The following ATG2A variants were observed in gnomAD, a reference collection of about 807,000 sequenced individuals.
ATG2A encodes autophagy-related protein 2 homolog A.
In ATG2A, 103 loss-of-function variants were observed where a neutral mutation model predicts 214.2. That is an observed-to-expected ratio of 0.48 (90% CI 0.41 to 0.57). The LOEUF (loss-of-function observed/expected upper bound fraction) is 0.57. Among genes scored for constraint, ATG2A ranks in the 20% least tolerant of loss-of-function variants. The probability of loss-of-function intolerance (pLI) is 0.00; values close to 1 mark genes in which losing one functional copy is unlikely to be tolerated. For missense variants in ATG2A, 2,312 were observed against 2,613.2 expected, an observed-to-expected ratio of 0.88 and a Z score of 2.51; for synonymous variants, 1,160 against 1,142.1, an observed-to-expected ratio of 1.02 and a Z score of -0.32.
Position 64,895,518 on chromosome 11 carries a change from A to C in ATG2A, c.5428-76T>G. On this transcript the variant is annotated intron_variant, in intron 39 of 40. Coordinates refer to ENST00000377264, the MANE Select transcript of ATG2A (RefSeq NM_015104.3). This position sits in a 1 kb window ranked among gnomAD's most constrained non-coding sequence, Gnocchi z 5.0. ...AGCCCCAGGCCCCCAGGACAGTCTG[A>C]GACCCCACCAGCCCTCAGCCTCCCT... 1 of 1,428,134 alleles carries C rather than the reference A, an allele frequency of 7.0e-7. No homozygotes were observed. The highest frequency in any genetic ancestry group is 9.2e-7 in the Non-Finnish European group (1 of 1,083,666). 88.5% of individuals were successfully genotyped at this position (1,428,134 alleles called of 1,614,324 possible). A position where few individuals can be genotyped will look rare whatever the true frequency, so the allele number is the denominator to read the frequency against.
Position 64,896,850 on chromosome 11 carries a change from C to T in ATG2A, c.5170G>A (p.Val1724Met). The T allele has an allele frequency of 6.2e-7, 1 of 1,614,066 alleles. No individual in the cohort carries two copies. Among genetic ancestry groups the T allele is most frequent in the Non-Finnish European group, 8.5e-7 (1 of 1,179,940 alleles). Residue 1724 changes from valine (V) to methionine (M), a missense_variant, in exon 38 of 41, where the codon GTG becomes ATG. Physicochemically the swap from Val to Met is conservative, Grantham distance 21. Coordinates refer to ENST00000377264, the MANE Select transcript of ATG2A (RefSeq NM_015104.3). The part of the protein sequence containing the change: ...CRHGLLGVDK[V>M]LGYALNEWLQ... ...CACTCGTTGAGGGCATAGCCCAGCA[C>T]CTTGTCCACACCCAGGAGCCTGGCA... is the stretch of plus-strand genomic sequence containing the variant.
rs772363764 is a variant in ATG2A at position 64,895,123 on chromosome 11, C to T, written c.5667G>A (p.Val1889=). The stretch of plus-strand genomic sequence containing the variant: ...CCACAGTCGGGGGCAGCTGGCGGAT[C>T]ACGCCCCCCACGGCGCCCGTCAGCC... ...QKGLTGAVGG[V]IRQLPPTVVK... The change falls in exon 41 of 41, where the codon GTG becomes GTA. Residue 1889 remains valine (V), a synonymous_variant. Transcript: ENST00000377264. The surrounding 1 kb of genome is among the most constrained non-coding windows in gnomAD (Gnocchi z 5.0). 11 of 1,613,008 alleles carry T rather than the reference C, an allele frequency of 6.8e-6. No homozygotes were observed. The highest frequency in any genetic ancestry group is 8.5e-6 in the Non-Finnish European group (10 of 1,179,774).
At position 64,911,024 on chromosome 11, in the gene ATG2A, C is replaced by T. The variant is rs767030498; in HGVS notation, c.1466+14G>A. On this transcript the variant is annotated intron_variant, in intron 10 of 40. Coordinates refer to ENST00000377264, the MANE Select transcript of ATG2A (RefSeq NM_015104.3). The stretch of plus-strand genomic sequence containing the variant: ...CTGATGGTCTCTCCTCAGGCCCTGG[C>T]CTCGGGCTTATACCGAACATGGCTA... 6.2e-7 allele frequency: 1 copy of T among 1,613,900 alleles called. No homozygotes were observed. Among genetic ancestry groups the T allele is most frequent in the Non-Finnish European group, 8.5e-7 (1 of 1,180,034 alleles).
chr11:64,904,816 T>TTATTTTATC (rs774560438), intron 24 of ATG2A, among the ~76,000 whole-genome samples: 16,255 of 145,056 alleles, frequency 0.11, 969 homozygotes, highest in Non-Finnish European at 0.13. Flanking sequence ...TCTATATTTT[T>TTATTTTATC]TATCTATCTA....
At position 64,896,584 on chromosome 11, in the gene ATG2A, T is replaced by C. The variant is rs1370835078; in HGVS notation, c.5305A>G (p.Ile1769Val). Residue 1769 changes from isoleucine (I) to valine (V), a missense_variant, in exon 39 of 41, where the codon ATT (isoleucine) becomes GTT (valine). Coordinates refer to ENST00000377264, the MANE Select transcript of ATG2A (RefSeq NM_015104.3). Reference sequence around the variant, plus strand: ...CGGCCATCCTTCCTGTACTGCTCAATGGGCAGCCACAGCAGGTCCCGGAAC... The same window carrying C: ...CGGCCATCCTTCCTGTACTGCTCAACGGGCAGCCACAGCAGGTCCCGGAAC... Reference protein sequence around the residue: ...QGFRDLLWLPIEQYRKDGRLM... With the variant: ...QGFRDLLWLPVEQYRKDGRLM... 6.2e-7 allele frequency: 1 copy of C among 1,613,960 alleles called. No individual in the cohort carries two copies. Among genetic ancestry groups the C allele is most frequent in the Admixed American group, 1.7e-5 (1 of 60,026 alleles).
In ATG2A at chr11:64,895,208, C is replaced by A; in HGVS notation, c.5582G>T (p.Gly1861Val). 1 of 1,612,858 alleles carries A rather than the reference C, an allele frequency of 6.2e-7. No individual in the cohort carries two copies. The highest frequency in any genetic ancestry group is 8.5e-7 in the Non-Finnish European group (1 of 1,179,548). The part of the protein sequence containing the change: ...VAKAYDTVRE[G>V]ILDTAQTICD... ...GATGGTCTGAGCTGTATCCAAGATGCCCTGTGGAAGCCAGAGGTCAGGGCG... is the reference window on the plus strand; with the variant it reads ...GATGGTCTGAGCTGTATCCAAGATGACCTGTGGAAGCCAGAGGTCAGGGCG... Residue 1861 changes from glycine to valine, a missense_variant and splice_region_variant, in exon 41 of 41, where the codon GGC becomes GTC. Coordinates refer to ENST00000377264, the MANE Select transcript of ATG2A (RefSeq NM_015104.3). The surrounding 1 kb of genome is among the most constrained non-coding windows in gnomAD (Gnocchi z 5.0).
chr11:64,904,580 G>A (rs1944473068), intron 24 of ATG2A, among the ~76,000 whole-genome samples: 1 of 151,782 alleles, frequency 6.6e-6, no homozygotes, highest in African/African-American at 2.4e-5. Context: ...TTTATTTTAA[G>A]GGTAACATAA....
At position 64,902,115 on chromosome 11, in the gene ATG2A, C is replaced by A. The variant is rs763684828; in HGVS notation, c.3966G>T (p.Gly1322=). Residue 1322 remains glycine, a synonymous_variant, in exon 29 of 41, where the codon GGG becomes GGT. Transcript: ENST00000377264. ...SVYLFPGERS[G]APPPSPPVGG... ...CGACAGGTGGTGAAGGGGGTGGGGC[C>A]CCACTCCGTTCACCTGGGAATAGGT... 8.1e-6 allele frequency: 13 copies of A among 1,613,634 alleles called. No individual in the cohort carries two copies. Among genetic ancestry groups the A allele is most frequent in the Non-Finnish European group, 1.1e-5 (13 of 1,179,974 alleles).
intron 16 of ATG2A, among the ~76,000 whole-genome samples, chr11:64,908,097 T>C (rs745375260): frequency 6.6e-6 from 1 of 152,210 alleles, no homozygotes; most frequent in African/African-American, 2.4e-5. Flanking sequence ...GTTAACTTCT[T>C]TCATCCTCAC....
Position 64,913,792 on chromosome 11 carries a change from C to G in ATG2A, c.590+29G>C. ...CAGCCCCCACTCCCCATCTTCACAC[C>G]AGTCCACCCCAGATCGGCCTGCCCT... On this transcript the variant is annotated intron_variant, in intron 4 of 40. Coordinates refer to ENST00000377264, the MANE Select transcript of ATG2A (RefSeq NM_015104.3). This position sits in a 1 kb window ranked among gnomAD's most constrained non-coding sequence, Gnocchi z 4.3. 1 of 1,604,092 alleles carries G rather than the reference C, an allele frequency of 6.2e-7. No homozygotes were observed. The highest frequency in any genetic ancestry group is 8.5e-7 in the Non-Finnish European group (1 of 1,174,890).
Position 64,897,981 on chromosome 11 carries a change from G to T in ATG2A, c.4859-7C>A. On this transcript the variant is annotated splice_region_variant and splice_polypyrimidine_tract_variant and intron_variant, in intron 34 of 40. Coordinates refer to ENST00000377264, the MANE Select transcript of ATG2A (RefSeq NM_015104.3). ...GCTCGAGTCTCGGGGCGAGCTAGGG[G>T]AGGGGAGGTCACAGACTGGGGATGG... 6.4e-7 allele frequency: 1 copy of T among 1,564,148 alleles called. No individual in the cohort carries two copies. Among genetic ancestry groups the T allele is most frequent in the South Asian group, 1.2e-5 (1 of 83,324 alleles).
chr11:64,902,294 G>A lies in ATG2A; in HGVS notation c.3870C>T (p.Thr1290=), dbSNP rs770134545. Residue 1290 remains threonine (T), a synonymous_variant, in exon 28 of 41, where the codon ACC becomes ACT. Transcript: ENST00000377264. ...GGGCCAGCTCCCGTAGGCTGCGCTC[G>A]GTGTCCAGGAGGGCGTCGGCCAGGT... ...QRDLADALLD[T]ERSLRELAQP... 1.2e-5 allele frequency: 19 copies of A among 1,612,622 alleles called. No individual in the cohort carries two copies. Among genetic ancestry groups the A allele is most frequent in the South Asian group, 4.4e-5 (4 of 91,026 alleles).
rs145534182 is a variant in ATG2A, at chr11:64,909,325, C to A, written c.2150G>T (p.Arg717Leu). Residue 717 changes from arginine (R) to leucine (L), a missense_variant, in exon 15 of 41, where the codon CGT becomes CTT. Arg to Leu is a moderately radical substitution (Grantham distance 102, BLOSUM62 -2). Transcript: ENST00000377264. ...DGGKPPVPCL[R>L]VSKALDPKST... is the part of the protein sequence containing the mutation. Reference sequence around the variant, plus strand: ...CTTGGGGTCCAGGGCTTTGGAGACACGCAGGCAAGGGACAGGTGGCTTCCC... The same window carrying A: ...CTTGGGGTCCAGGGCTTTGGAGACAAGCAGGCAAGGGACAGGTGGCTTCCC... 1 of 1,613,628 alleles carries A rather than the reference C, an allele frequency of 6.2e-7. No individual in the cohort carries two copies. Among genetic ancestry groups the A allele is most frequent in the African/African-American group, 1.3e-5 (1 of 75,022 alleles).
At chr11:64,909,598 C>A in intron 14 of ATG2A, 83 bp downstream of exon 14, 1 of 1,567,416 alleles carries the variant, frequency 6.4e-7, no homozygotes, top group Non-Finnish European at 8.6e-7. Context: ...CGGGTTGTGA[C>A]TGGGCCCCTT....
At chr11:64,899,861 ATTT>A (rs749811813) in intron 31 of ATG2A, among the ~76,000 whole-genome samples, 1 of 139,436 alleles carries the variant, frequency 7.2e-6, no homozygotes, top group Non-Finnish European at 1.6e-5. Context: ...AGCTTCCAGC[ATTT>A]TTTTTTTTTT....
At chr11:64,910,534 C>A in intron 12 of ATG2A, 82 bp downstream of exon 12, 1 of 1,445,984 alleles carries the variant, frequency 6.9e-7, no homozygotes, top group Non-Finnish European at 9.4e-7. Context: ...CAGGGCTGGG[C>A]AGCAGAGGAG....
rs1470080157 is a variant in ATG2A at position 64,911,974 on chromosome 11, A to G, written c.1096T>C (p.Phe366Leu). Residue 366 changes from phenylalanine to leucine, a missense_variant, in exon 9 of 41, where the codon TTC becomes CTC. Coordinates refer to ENST00000377264, the MANE Select transcript of ATG2A (RefSeq NM_015104.3). ...CTGCTTGTGAGGCCAGCCATGGAGAAGAAGAGGTCTGTGGGTGAAGTGAGG... is the reference window on the plus strand; with the variant it reads ...CTGCTTGTGAGGCCAGCCATGGAGAGGAAGAGGTCTGTGGGTGAAGTGAGG... ...LLNLDNTDLF[F>L]SMAGLTSSVA... 1 of 1,613,808 alleles carries G rather than the reference A, an allele frequency of 6.2e-7. No homozygotes were observed. Among genetic ancestry groups the G allele is most frequent in the Admixed American group, 1.7e-5 (1 of 59,970 alleles).
At position 64,906,740 on chromosome 11, in the gene ATG2A, C is replaced by T. The variant is rs1312646826; in HGVS notation, c.2908G>A (p.Val970Ile). ...CCTGGCTGGCCACAGTACTGGGAGACGCTGAAGAGGGTACCGTGCTCCATG... is the reference window on the plus strand; with the variant it reads ...CCTGGCTGGCCACAGTACTGGGAGATGCTGAAGAGGGTACCGTGCTCCATG... ...LDMEHGTLFS[V>I]SQYCGQPGLG... Residue 970 changes from valine (V) to isoleucine (I), a missense_variant, in exon 20 of 41, where the codon GTC becomes ATC. Val to Ile is a conservative substitution (Grantham distance 29). Transcript: ENST00000377264. 8.1e-6 allele frequency: 13 copies of T among 1,613,570 alleles called. No homozygotes were observed. Among genetic ancestry groups the T allele is most frequent in the Admixed American group, 3.3e-5 (2 of 60,002 alleles).
Position 64,902,286 on chromosome 11 carries a change from C to T in ATG2A, c.3878G>A (p.Ser1293Asn). ...LADALLDTER[S>N]LRELAQPSGG... ...TGAAGGCTGGGCCAGCTCCCGTAGG[C>T]TGCGCTCGGTGTCCAGGAGGGCGTC... Residue 1293 changes from serine to asparagine, a missense_variant, in exon 28 of 41, where the codon AGC becomes AAC. By Grantham distance (46) the Ser-to-Asn change is conservative. Transcript: ENST00000377264. The T allele has an allele frequency of 6.2e-7, 1 of 1,612,920 alleles. No homozygotes were observed. The highest frequency in any genetic ancestry group is 8.5e-7 in the Non-Finnish European group (1 of 1,179,984).
Sources: gnomAD v4.1 joint callset for allele counts (sites outside exome capture counted in the v4.1 genomes callset) on GRCh38, gnomAD v4.1.1 for gene constraint, Gnocchi (gnomAD v3.1) non-coding constraint, MANE v1.5 for transcripts, NCBI Gene and HGNC (gene_info 2026-07-23, HGNC 2026-07-21) for gene names.